RPS6: variants seen among roughly 807,000 people sequenced by gnomAD.
The protein encoded by RPS6 is ribosomal protein S6.
RPS6 carries 1 observed loss-of-function variant against 27.1 expected under a neutral mutation model. That is an observed-to-expected ratio of 0.04 (90% CI 0.01 to 0.18). RPS6 has a LOEUF of 0.18. RPS6 is among the 10% of genes least tolerant of loss of function. The pLI, the probability that RPS6 is intolerant of heterozygous loss-of-function variation, is 1.00. For synonymous variants in RPS6, 152 were observed against 106.0 expected, an observed-to-expected ratio of 1.43 and a Z score of -2.66; for missense variants, 259 against 319.1, an observed-to-expected ratio of 0.81 and a Z score of 1.44.
intron 1 of RPS6, 158 bp from the exon 2 acceptor site, chr9:19,379,776 A>G: frequency 2.1e-6 from 3 of 1,463,378 alleles, no homozygotes; most frequent in Non-Finnish European, 2.7e-6. Flanking sequence ...AGCACGTGAA[A>G]GCAGAGTAGC....
Position 19,376,402 on chromosome 9 carries a change from A to AACAAC in RPS6, c.655-15_655-14insGTTGT. ...CTCCTTAGCCTCCTAAACAAAACAA[A>AACAAC]ACAGCAAACAGTTAAGGCCTTTCTG... On this transcript the variant is annotated splice_polypyrimidine_tract_variant and intron_variant, in intron 5 of 5. Transcript: ENST00000380394. The AACAAC allele has an allele frequency of 6.2e-7, 1 of 1,613,788 alleles. No individual in the cohort carries two copies. Among genetic ancestry groups the AACAAC allele is most frequent in the African/African-American group, 1.3e-5 (1 of 74,998 alleles).
chr9:19,380,136 G>T (rs878869189), intron 1 of RPS6, 54 bp downstream of exon 1: 4 of 1,613,966 alleles, frequency 2.5e-6, no homozygotes, highest in Non-Finnish European at 3.4e-6. Context: ...GCCGCGTTCT[G>T]GGACTCGATT....
intron 4 of RPS6, among the ~76,000 whole-genome samples, chr9:19,377,452 T>C (rs1829607499): frequency 6.6e-6 from 1 of 151,896 alleles, no homozygotes; most frequent in Non-Finnish European, 1.5e-5. Flanking sequence ...TATACTGTAT[T>C]CTCAGCACCT....
At chr9:19,379,290 C>T (rs1345454463) in intron 2 of RPS6, 197 bp downstream of exon 2, 2 of 1,471,812 alleles carry the variant, frequency 1.4e-6, no homozygotes, top group East Asian at 5.0e-5. Flanking sequence ...TTGATGTAAA[C>T]TTTACGTATA....
At chr9:19,376,681 A>T (rs181967199) in intron 4 of RPS6, 30 bp from the exon 5 acceptor site, 1 of 1,585,632 alleles carries the variant, frequency 6.3e-7, no homozygotes, top group Non-Finnish European at 8.5e-7. Context: ...AATCATTTCA[A>T]TATTTGTTTT....
rs1829625648 is a variant in RPS6, at chr9:19,378,467, G to A, written c.397C>T (p.Leu133=). Residue 133 remains leucine (L), a synonymous_variant, in exon 4 of 6, where the codon CTG becomes TTG. Transcript: ENST00000380394. ...GLTDTTVPRR[L]GPKRASRIRK... is the part of the protein sequence containing the mutation. ...ATTCTGCTAGCTCTTTTGGGGCCCA[G>A]GCGGCGAGGCACTGTAGTATCAGTC... 1 of 1,614,160 alleles carries A rather than the reference G, an allele frequency of 6.2e-7. No homozygotes were observed. Among genetic ancestry groups the A allele is most frequent in the South Asian group, 1.1e-5 (1 of 91,082 alleles).
At chr9:19,379,057 T>A in intron 2 of RPS6, 139 bp from the exon 3 acceptor site, 1 of 918,450 alleles carries the variant, frequency 1.1e-6, no homozygotes. Flanking sequence ...ACGTTTTCTC[T>A]GTTCAGTGAG....
At chr9:19,378,971 A>G in intron 2 of RPS6, 53 bp from the exon 3 acceptor site, 2 of 1,544,876 alleles carry the variant, frequency 1.3e-6, no homozygotes, top group South Asian at 1.1e-5. Flanking sequence ...CCAAAATTAT[A>G]CAGTACAGGA....
At chr9:19,376,810 C>T in intron 4 of RPS6, 159 bp from the exon 5 acceptor site, 3 of 579,170 alleles carry the variant, frequency 5.2e-6, no homozygotes, top group East Asian at 3.1e-5. Context: ...TGCTTTTTGC[C>T]CCTCCACAGA....
chr9:19,379,898 G>C, intron 1 of RPS6: 1 of 1,425,696 alleles, frequency 7.0e-7, no homozygotes, highest in Non-Finnish European at 9.1e-7. Context: ...GAAAGCCGGG[G>C]TCAAGAGCCG....
chr9:19,378,705 C>T lies in RPS6; in HGVS notation c.349+3G>A. On this transcript the variant is annotated splice_donor_region_variant and intron_variant, in intron 3 of 5. Transcript: ENST00000380394. ...ACGAAAATTGAACACAAGTAACCCT[C>T]ACCTTTTTTTACAATAACCAAGTTG... 1 of 1,613,978 alleles carries T rather than the reference C, an allele frequency of 6.2e-7. No individual in the cohort carries two copies. The highest frequency in any genetic ancestry group is 8.5e-7 in the Non-Finnish European group (1 of 1,179,834).
chr9:19,377,174 A>C (rs1215974685), intron 4 of RPS6, among the ~76,000 whole-genome samples: 2 of 152,202 alleles, frequency 1.3e-5, no homozygotes, highest in Non-Finnish European at 2.9e-5. Context: ...TCTGCATTGG[A>C]GCATAGGCCT....
Position 19,379,604 on chromosome 9 carries a change from G to C in RPS6, c.21C>G (p.Phe7Leu). The change falls in exon 2 of 6, where the codon TTC becomes TTG. Residue 7 changes from phenylalanine to leucine, a missense_variant. Phe to Leu is a conservative substitution (Grantham distance 22). Transcript: ENST00000380394. MKLNIS[F>L]PATGCQKLIE... ...TGAGTTTCTGGCAGCCAGTGGCTGG[G>C]AAGGAGATGTTCAGCTAAGGATTAA... 6.2e-7 allele frequency: 1 copy of C among 1,613,766 alleles called. No individual in the cohort carries two copies. The highest frequency in any genetic ancestry group is 8.5e-7 in the Non-Finnish European group (1 of 1,179,782).
At chr9:19,379,070 T>G in intron 2 of RPS6, 152 bp from the exon 3 acceptor site, 1 of 848,562 alleles carries the variant, frequency 1.2e-6, no homozygotes. Flanking sequence ...TCAGTGAGTT[T>G]TGTCTATATT....
At chr9:19,379,326 C>CA (rs1829640889) in intron 2 of RPS6, 161 bp downstream of exon 2, 1 of 1,512,806 alleles carries the variant, frequency 6.6e-7, no homozygotes, top group Non-Finnish European at 8.9e-7. Flanking sequence ...TACGTCCCCC[C>CA]CTCCAAGGTA....
chr9:19,377,657 T>TATTG (rs777637040), intron 4 of RPS6, among the ~76,000 whole-genome samples: 4 of 152,118 alleles, frequency 2.6e-5, no homozygotes, highest in Non-Finnish European at 5.9e-5. Context: ...ACCACAGAAA[T>TATTG]ATTGCTATTT....
chr9:19,379,397 C>A (rs1829642492), intron 2 of RPS6, 90 bp downstream of exon 2: 2 of 1,573,448 alleles, frequency 1.3e-6, no homozygotes, highest in Admixed American at 3.8e-5. Flanking sequence ...GAAGCCAGAA[C>A]CCGGAGTCTG....
intron 1 of RPS6, 156 bp downstream of exon 1, chr9:19,380,034 A>G: frequency 1.9e-6 from 3 of 1,548,538 alleles, no homozygotes; most frequent in Non-Finnish European, 2.6e-6. Context: ...GTTCGGCCAA[A>G]AAGCTCCATG....
intron 4 of RPS6, among the ~76,000 whole-genome samples, chr9:19,377,377 C>T (rs1394806967): frequency 6.7e-6 from 1 of 149,978 alleles, no homozygotes; most frequent in African/African-American, 2.5e-5. Context: ...GCAACTGCCA[C>T]CTATTTGTCA....
Sources: gnomAD v4.1 joint callset for allele counts (sites outside exome capture counted in the v4.1 genomes callset) on GRCh38, gnomAD v4.1.1 for gene constraint, MANE v1.5 for transcripts, NCBI Gene and HGNC (gene_info 2026-07-23, HGNC 2026-07-21) for gene names.